IFNAR1: variants seen among roughly 807,000 people sequenced by gnomAD.
IFNAR1 encodes the protein interferon alpha and beta receptor subunit 1, also known as interferon alpha/beta receptor 1.
IFNAR1 carries 47 observed loss-of-function variants against 62.1 expected under a neutral mutation model. That is an observed-to-expected ratio of 0.76 (90% CI 0.60 to 0.97). The LOEUF is 0.97. Among genes scored for constraint, IFNAR1 ranks in the 50% least tolerant of loss-of-function variants. The probability of loss-of-function intolerance (pLI) is 0.00; values close to 1 mark genes in which losing one functional copy is unlikely to be tolerated. For synonymous variants in IFNAR1, 219 were observed against 226.9 expected, an observed-to-expected ratio of 0.97 and a Z score of 0.31; for missense variants, 638 against 654.5, an observed-to-expected ratio of 0.97 and a Z score of 0.27.
At chr21:33,351,682 G>T (rs1487633278) in intron 8 of IFNAR1, among the ~76,000 whole-genome samples, 1 of 151,732 alleles carries the variant, frequency 6.6e-6, no homozygotes, top group African/African-American at 2.4e-5. Context: ...CCAAGTAGCT[G>T]GGACTACAGG....
At chr21:33,351,190 TGTGATTGGTTACA>T (rs1187855985) in intron 8 of IFNAR1, among the ~76,000 whole-genome samples, 1 of 152,238 alleles carries the variant, frequency 6.6e-6, no homozygotes, top group Non-Finnish European at 1.5e-5. Context: ...TGCCGGATTA[TGTGATTGGTTACA>T]TTGCTGTTTG....
intron 5 of IFNAR1, among the ~76,000 whole-genome samples, chr21:33,344,103 A>G (rs1232381383): frequency 6.6e-6 from 1 of 152,186 alleles, no homozygotes; most frequent in African/African-American, 2.4e-5. Flanking sequence ...GTGAGCCAAG[A>G]TCGCGCCACT....
intron 9 of IFNAR1, 40 bp from the exon 10 acceptor site, chr21:33,353,598 A>G (rs370885625): frequency 1.6e-6 from 2 of 1,238,802 alleles, no homozygotes; most frequent in African/African-American, 1.6e-5. Flanking sequence ...AGGCATTTGT[A>G]TGTCAAAATA....
chr21:33,354,861 T>C (rs2083432577), intron 10 of IFNAR1, among the ~76,000 whole-genome samples: 1 of 152,194 alleles, frequency 6.6e-6, no homozygotes, highest in South Asian at 2.1e-4. Context: ...TTAAATGTCA[T>C]TCCTGTGTAC....
At chr21:33,344,864 C>T (rs760433136) in intron 5 of IFNAR1, among the ~76,000 whole-genome samples, 9 of 151,794 alleles carry the variant, frequency 5.9e-5, no homozygotes, top group African/African-American at 1.2e-4. Flanking sequence ...CTCGGCTCAC[C>T]GCAACCTCTG....
At chr21:33,342,017 G>A (rs1054800012) in intron 3 of IFNAR1, among the ~76,000 whole-genome samples, 4 of 152,168 alleles carry the variant, frequency 2.6e-5, no homozygotes, top group African/African-American at 7.2e-5. Context: ...AGTTAAAATG[G>A]ATTGAAAACT....
intron 9 of IFNAR1, 149 bp downstream of exon 9, chr21:33,353,057 A>AT (rs2083414057): frequency 1.9e-6 from 1 of 515,004 alleles, no homozygotes; most frequent in Admixed American, 3.8e-5. Flanking sequence ...ATGAATCAAA[A>AT]GTAGACTTTT....
intron 5 of IFNAR1, 49 bp from the exon 6 acceptor site, chr21:33,345,197 C>T (rs187965787): frequency 1.2e-6 from 1 of 868,264 alleles, no homozygotes; most frequent in Admixed American, 2.0e-5. Context: ...CCAGTTATCT[C>T]ACTTGAGTAA....
chr21:33,347,365 G>A (rs925600722), intron 6 of IFNAR1, among the ~76,000 whole-genome samples: 6 of 152,140 alleles, frequency 3.9e-5, no homozygotes, highest in African/African-American at 1.4e-4. Flanking sequence ...CCTGACTTCA[G>A]GTGATCCACC....
At chr21:33,349,744 G>A (rs529961224) in intron 8 of IFNAR1, among the ~76,000 whole-genome samples, 1 of 152,074 alleles carries the variant, frequency 6.6e-6, no homozygotes, top group South Asian at 2.1e-4. Flanking sequence ...GGGCAACATA[G>A]GGAGACCCTG....
chr21:33,347,464 TC>T (rs1307883716), intron 6 of IFNAR1, among the ~76,000 whole-genome samples: 1 of 151,964 alleles, frequency 6.6e-6, no homozygotes, highest in East Asian at 1.9e-4. Flanking sequence ...ACGGAGTTTC[TC>T]CATGTTTGCC....
At chr21:33,333,784 C>T (rs533514898) in intron 1 of IFNAR1, among the ~76,000 whole-genome samples, 32 of 150,052 alleles carry the variant, frequency 2.1e-4, no homozygotes, top group African/African-American at 5.7e-4. Context: ...CTACCACGCC[C>T]GGCTAATTTT....
At chr21:33,326,425 G>A (rs556454611) in intron 1 of IFNAR1, among the ~76,000 whole-genome samples, 2 of 151,982 alleles carry the variant, frequency 1.3e-5, no homozygotes, top group East Asian at 1.9e-4. Context: ...GGCTGGTCTC[G>A]AACTCCTGAC....
chr21:33,349,040 G>A (rs111859779), intron 6 of IFNAR1, 51 bp from the exon 7 acceptor site: 1 of 1,176,178 alleles, frequency 8.5e-7, no homozygotes, highest in Non-Finnish European at 1.2e-6. Flanking sequence ...TCTGGCAATT[G>A]TAAATACTTA....
chr21:33,328,633 AC>A (rs1477682520), intron 1 of IFNAR1, among the ~76,000 whole-genome samples: 2 of 152,194 alleles, frequency 1.3e-5, no homozygotes, highest in Non-Finnish European at 2.9e-5. Context: ...GTATAAATGT[AC>A]CTTTTAGCCT....
In IFNAR1 at chr21:33,354,784, T is replaced by G. The variant is rs1452253026; in HGVS notation, c.1441-532T>G. 2.0e-5 allele frequency among the ~76,000 whole-genome samples: 3 copies of G among 152,148 alleles called. No homozygotes were observed. In the East Asian group the frequency reaches 5.8e-4, roughly 29 times the overall value. ...TGTTAGGAGCAAAGGAGTTAAACCA[T>G]AAGAACCTTACCACTCTAAAAATGC... On this transcript the variant is annotated intron_variant, in intron 10 of 10. Transcript: ENST00000270139.
rs1411154460 is a variant in IFNAR1, at chr21:33,345,185, T to A, written c.674-61T>A. ...GATAAAATGCGAGCCTTTATCTTCT[T>A]GCCAGTTATCTCACTTGAGTAAAAA... On this transcript the variant is annotated intron_variant, in intron 5 of 10. Transcript: ENST00000270139. The A allele has an allele frequency of 5.0e-6, 4 of 795,970 alleles. No individual in the cohort carries two copies. Among genetic ancestry groups the A allele is most frequent in the Non-Finnish European group, 6.6e-6 (3 of 457,042 alleles). 49.3% of individuals were successfully genotyped at this position (795,970 alleles called of 1,614,324 possible).
At chr21:33,345,394 G>T (rs2083336117) in intron 6 of IFNAR1, 34 bp downstream of exon 6, 1 of 1,218,478 alleles carries the variant, frequency 8.2e-7, no homozygotes, top group African/African-American at 1.5e-5. Context: ...CTTTTGCCCA[G>T]TTTGTTTTGA....
chr21:33,335,636 C>G lies in IFNAR1; in HGVS notation c.189C>G (p.Phe63Leu). 3 of 1,563,448 alleles carry G rather than the reference C, an allele frequency of 1.9e-6. No individual in the cohort carries two copies. The Admixed American group carries it at 5.5e-5, about 29-fold the overall frequency. The change falls in exon 2 of 11, where the codon TTC becomes TTG. Residue 63 changes from phenylalanine to leucine, a missense_variant. Transcript: ENST00000270139. The stretch of plus-strand genomic sequence containing the variant: ...CTGTCGGGAATGTGACTTTTTCATT[C>G]GATTATCAAAAGTATGTGACTCTAC... Reference protein sequence around the residue: ...DESVGNVTFSFDYQKTGMDNW... With the variant: ...DESVGNVTFSLDYQKTGMDNW...
Sources: allele counts gnomAD v4.1 joint callset (sites outside exome capture counted in the v4.1 genomes callset), GRCh38; gene constraint gnomAD v4.1.1; transcripts MANE v1.5; gene names NCBI Gene and HGNC (gene_info 2026-07-23, HGNC 2026-07-21).